The following DR1 variants were observed in gnomAD, a reference collection of about 807,000 sequenced individuals.
DR1 encodes down-regulator of transcription 1, also known as protein Dr1.
A neutral mutation model predicts 19.9 loss-of-function variants in DR1; 7 were observed. That is an observed-to-expected ratio of 0.35 (90% CI 0.20 to 0.66). The LOEUF (loss-of-function observed/expected upper bound fraction) is 0.66. Among genes scored for constraint, DR1 ranks in the 30% least tolerant of loss-of-function variants. The pLI is 0.66. For synonymous variants in DR1, 76 were observed against 72.5 expected, an observed-to-expected ratio of 1.05 and a Z score of -0.24; for missense variants, 98 against 203.7, an observed-to-expected ratio of 0.48 and a Z score of 3.16.
intron 2 of DR1, among the ~76,000 whole-genome samples, chr1:93,356,138 T>G (rs1009117762): frequency 5.9e-5 from 9 of 151,954 alleles, no homozygotes; most frequent in African/African-American, 2.2e-4. Flanking sequence ...ATGGATTGAG[T>G]AGGGGGCAAG....
intron 1 of DR1, among the ~76,000 whole-genome samples, chr1:93,352,452 A>G (rs995792544): frequency 2.0e-5 from 3 of 152,242 alleles, no homozygotes; most frequent in Non-Finnish European, 4.4e-5. Flanking sequence ...AGTTAACTTA[A>G]TAATAGGACA....
Position 93,353,904 on chromosome 1 carries a change from C to T in DR1, c.221-4C>T, listed in dbSNP as rs1298993876. Reference sequence around the variant, plus strand: ...TTCATATTTTAATATTTTCATTTCTCTAGCACTAGAAAGTTTGGGATTTGG... The same window carrying T: ...TTCATATTTTAATATTTTCATTTCTTTAGCACTAGAAAGTTTGGGATTTGG... On this transcript the variant is annotated splice_region_variant and splice_polypyrimidine_tract_variant and intron_variant, in intron 1 of 2. Transcript: ENST00000370272. The T allele has an allele frequency of 3.8e-6, 6 of 1,598,060 alleles. No homozygotes were observed. Among genetic ancestry groups the T allele is most frequent in the Non-Finnish European group, 5.1e-6 (6 of 1,172,852 alleles).
chr1:93,351,443 T>G lies in DR1; in HGVS notation c.221-2465T>G, dbSNP rs867406685. Among the ~76,000 whole-genome samples, 83 of 144,418 alleles carry G rather than the reference T, an allele frequency of 5.7e-4. 1 individual carries two copies. Among genetic ancestry groups the G allele is most frequent in the African/African-American group, 2.1e-3 (80 of 38,686 alleles). The allele number at this position is 144,418 out of a possible 152,430, so 94.7% of individuals were successfully genotyped here. ...TTGGATTGGATTTTCTTTCTTTTTT[T>G]TTTTTTTTTTTTTTTTGAGACAGAG... On this transcript the variant is annotated intron_variant, in intron 1 of 2. Transcript: ENST00000370272.
chr1:93,349,439 A>G (rs1357283934), intron 1 of DR1, among the ~76,000 whole-genome samples: 1 of 152,078 alleles, frequency 6.6e-6, no homozygotes, highest in Non-Finnish European at 1.5e-5. Context: ...TGCCTTATAG[A>G]AAGAATTGAC....
chr1:93,350,974 G>T (rs984574640), intron 1 of DR1, among the ~76,000 whole-genome samples: 1 of 152,128 alleles, frequency 6.6e-6, no homozygotes, highest in Non-Finnish European at 1.5e-5. Flanking sequence ...ACGAATTTAT[G>T]GTATTTACAA....
At chr1:93,346,910 C>A in intron 1 of DR1, 45 bp downstream of exon 1, 2 of 1,507,780 alleles carry the variant, frequency 1.3e-6, no homozygotes, top group Non-Finnish European at 1.8e-6. Flanking sequence ...TCTAGGGTAG[C>A]AGTCTGCTAA....
chr1:93,358,256 A>G (rs569169693), intron 2 of DR1, among the ~76,000 whole-genome samples: 3 of 152,266 alleles, frequency 2.0e-5, no homozygotes, highest in African/African-American at 7.2e-5. Context: ...CTGCTTTGTG[A>G]CTGGACCTAG....
Position 93,360,599 on chromosome 1 carries a change from C to T in DR1, c.491C>T (p.Ala164Val), listed in dbSNP as rs375320336. ...AAASASASNQ[A>V]GSSQDEEDDD... ...GCCTCAGCCAGTGCATCTAATCAGG[C>T]GGGATCTTCTCAGGATGAAGAAGAT... The change falls in exon 3 of 3, where the codon GCG becomes GTG. Residue 164 changes from alanine to valine, a missense_variant. Coordinates refer to ENST00000370272, the MANE Select transcript of DR1 (RefSeq NM_001938.3). 37 of 1,591,964 alleles carry T rather than the reference C, an allele frequency of 2.3e-5. No homozygotes were observed. Among genetic ancestry groups the T allele is most frequent in the Admixed American group, 3.6e-5 (2 of 54,908 alleles).
At chr1:93,347,822 A>G (rs1570707858) in intron 1 of DR1, among the ~76,000 whole-genome samples, 1 of 152,220 alleles carries the variant, frequency 6.6e-6, no homozygotes, top group Non-Finnish European at 1.5e-5. Flanking sequence ...ATATTTTTAC[A>G]TGTACTCTTG....
At position 93,361,333 on chromosome 1, in the gene DR1, A is replaced by G. The variant is rs1250858102; in HGVS notation, c.*694A>G. ...AGCATAATTCATTTTGAGCTCCACT[A>G]TGACATTTCAAAGACTGCCCAGTTT... is the stretch of plus-strand genomic sequence containing the variant. On this transcript the variant is annotated 3_prime_UTR_variant, in exon 3 of 3. Transcript: ENST00000370272. 2.0e-4 allele frequency: 31 copies of G among 152,566 alleles called. No individual in the cohort carries two copies. The highest frequency in any genetic ancestry group is 1.5e-4 in the Non-Finnish European group (10 of 67,986). 9.5% of individuals were successfully genotyped at this position (152,566 alleles called of 1,614,324 possible).
Position 93,360,689 on chromosome 1 carries a change from A to T in DR1, c.*50A>T, listed in dbSNP as rs183185754. ...CTTCTATAAATGTTTTTCCCTGCACAACAAAAACAGTGAAAGAAATGCTTA... is the reference window on the plus strand; with the variant it reads ...CTTCTATAAATGTTTTTCCCTGCACTACAAAAACAGTGAAAGAAATGCTTA... On this transcript the variant is annotated 3_prime_UTR_variant, in exon 3 of 3. Coordinates refer to ENST00000370272, the MANE Select transcript of DR1 (RefSeq NM_001938.3). The T allele has an allele frequency of 6.4e-7, 1 of 1,553,982 alleles. No individual in the cohort carries two copies. The highest frequency in any genetic ancestry group is 1.4e-5 in the African/African-American group (1 of 71,116).
chr1:93,347,509 C>T (rs1666865109), intron 1 of DR1, among the ~76,000 whole-genome samples: 1 of 151,776 alleles, frequency 6.6e-6, no homozygotes, highest in Non-Finnish European at 1.5e-5. Context: ...TTTTTCTTTT[C>T]GTTTGCTTTT....
In DR1 at chr1:93,368,364, G is replaced by A. The variant is rs1351250423; in HGVS notation, c.*7725G>A. On this transcript the variant is annotated 3_prime_UTR_variant, in exon 3 of 3. Transcript: ENST00000370272. ...GTCACTAACATAGAAAGCAGTAGAGGTGGAAGAGGGAGACTTGCCAGAATA... is the reference window on the plus strand; with the variant it reads ...GTCACTAACATAGAAAGCAGTAGAGATGGAAGAGGGAGACTTGCCAGAATA... 6.6e-6 allele frequency: 1 copy of A among 152,208 alleles called. No individual in the cohort carries two copies. Among genetic ancestry groups the A allele is most frequent in the African/African-American group, 2.4e-5 (1 of 41,438 alleles). The allele number at this position is 152,208 out of a possible 1,614,324, so 9.4% of individuals were successfully genotyped here. A position where few individuals can be genotyped will look rare whatever the true frequency, so the allele number is the denominator to read the frequency against.
chr1:93,359,558 C>G (rs1475446676), intron 2 of DR1, among the ~76,000 whole-genome samples: 1 of 152,064 alleles, frequency 6.6e-6, no homozygotes, highest in African/African-American at 2.4e-5. Context: ...AGGGGAGGGT[C>G]TGAGTTGGAC....
chr1:93,349,737 G>A (rs1666894568), intron 1 of DR1, among the ~76,000 whole-genome samples: 1 of 152,064 alleles, frequency 6.6e-6, no homozygotes, highest in African/African-American at 2.4e-5. Flanking sequence ...AAAAATTCCT[G>A]TCCTTCTCAC....
At position 93,362,494 on chromosome 1, in the gene DR1, G is replaced by C. The variant is rs1278752638; in HGVS notation, c.*1855G>C. ...TTAATATTTTACTGCATCTGATAAT[G>C]TATTATACGTTTGAAGCCTAGTGAC... On this transcript the variant is annotated 3_prime_UTR_variant, in exon 3 of 3. Transcript: ENST00000370272. 1 of 142,368 alleles carries C rather than the reference G, an allele frequency of 7.0e-6. No individual in the cohort carries two copies. Among genetic ancestry groups the C allele is most frequent in the Non-Finnish European group, 1.5e-5 (1 of 65,840 alleles). The allele number at this position is 142,368 out of a possible 1,614,324, so 8.8% of individuals were successfully genotyped here.
rs890072131 is a variant in DR1, at chr1:93,369,128, G to A, written c.*8489G>A. ...GGGTATCCTGGAACCAATCCCTGGC[G>A]GATACCAAGGGATGACTGTAATATA... On this transcript the variant is annotated 3_prime_UTR_variant, in exon 3 of 3. Coordinates refer to ENST00000370272, the MANE Select transcript of DR1 (RefSeq NM_001938.3). The A allele has an allele frequency of 2.6e-5, 4 of 151,970 alleles. No individual in the cohort carries two copies. The highest frequency in any genetic ancestry group is 2.1e-4 in the South Asian group (1 of 4,822). The allele number at this position is 151,970 out of a possible 1,614,324, so 9.4% of individuals were successfully genotyped here. A position where few individuals can be genotyped will look rare whatever the true frequency, so the allele number is the denominator to read the frequency against.
At position 93,352,006 on chromosome 1, in the gene DR1, C is replaced by T. The variant is rs372206351; in HGVS notation, c.221-1902C>T. ...CTTAGGTGCTAGACACTGTCAAACG[C>T]CTTATATTAATTACCTGTTGATTCC... On this transcript the variant is annotated intron_variant, in intron 1 of 2. Coordinates refer to ENST00000370272, the MANE Select transcript of DR1 (RefSeq NM_001938.3). Among the ~76,000 whole-genome samples, 26 of 152,200 alleles carry T rather than the reference C, an allele frequency of 1.7e-4. No individual in the cohort carries two copies. The South Asian group carries it at 5.2e-3, about 30-fold the overall frequency.
intron 1 of DR1, among the ~76,000 whole-genome samples, chr1:93,349,443 A>G (rs945695475): frequency 6.6e-6 from 1 of 152,116 alleles, no homozygotes; most frequent in African/African-American, 2.4e-5. Flanking sequence ...TTATAGAAAG[A>G]ATTGACATTG....
Sources: allele counts gnomAD v4.1 joint callset (sites outside exome capture counted in the v4.1 genomes callset), GRCh38; gene constraint gnomAD v4.1.1; transcripts MANE v1.5; gene names NCBI Gene and HGNC (gene_info 2026-07-23, HGNC 2026-07-21).